Variants in LIMCH1 observed in about 807,000 individuals in gnomAD.
LIMCH1 encodes the protein LIM and calponin homology domains-containing protein 1.
In LIMCH1, 113 loss-of-function variants were observed where a neutral mutation model predicts 176.5. That is an observed-to-expected ratio of 0.64 (90% CI 0.55 to 0.75). LIMCH1 has a LOEUF of 0.75. Among genes scored for constraint, LIMCH1 ranks in the 30% least tolerant of loss-of-function variants. LIMCH1 has a pLI of 0.00. For missense variants in LIMCH1, 1,674 were observed against 1,814.9 expected, an observed-to-expected ratio of 0.92 and a Z score of 1.41; for synonymous variants, 619 against 645.9, an observed-to-expected ratio of 0.96 and a Z score of 0.63.
chr4:41,530,486 C>T (rs746242835), intron 3 of LIMCH1, among the ~76,000 whole-genome samples: 11 of 152,060 alleles, frequency 7.2e-5, no homozygotes, highest in South Asian at 2.1e-4. Flanking sequence ...TTCTGTTCTC[C>T]GGGCTCGGTC....
At chr4:41,623,239 C>T (rs145807869) in intron 7 of LIMCH1, among the ~76,000 whole-genome samples, 1 of 152,196 alleles carries the variant, frequency 6.6e-6, no homozygotes, top group African/African-American at 2.4e-5. Flanking sequence ...TCTCTCGAGG[C>T]ATTTTAACCT....
At chr4:41,397,183 G>A (rs2057891452) in intron 1 of LIMCH1, among the ~76,000 whole-genome samples, 1 of 152,174 alleles carries the variant, frequency 6.6e-6, no homozygotes, top group African/African-American at 2.4e-5. Flanking sequence ...ACGGAGAGAA[G>A]GTTGCCTTTC....
chr4:41,468,367 C>A, intron 1 of LIMCH1, among the ~76,000 whole-genome samples: 1 of 98,188 alleles, frequency 1.0e-5, no homozygotes, highest in Non-Finnish European at 2.2e-5. Flanking sequence ...CTCCCTCCCT[C>A]CCCCTCCTCT....
chr4:41,392,695 A>G (rs1039732225), intron 1 of LIMCH1, among the ~76,000 whole-genome samples: 1 of 152,178 alleles, frequency 6.6e-6, no homozygotes, highest in African/African-American at 2.4e-5. Context: ...CTAGGGTCAT[A>G]TGCTTATCCA....
At chr4:41,619,580 C>A in intron 6 of LIMCH1, 140 bp downstream of exon 6, 3 of 1,107,702 alleles carry the variant, frequency 2.7e-6, no homozygotes, top group Non-Finnish European at 3.8e-6. Flanking sequence ...TGGGACAGAT[C>A]TTTGGAGAGA....
chr4:41,567,809 G>A (rs892364372), intron 1 of LIMCH1, among the ~76,000 whole-genome samples: 1 of 152,150 alleles, frequency 6.6e-6, no homozygotes, highest in Non-Finnish European at 1.5e-5. Flanking sequence ...TGCTTAAGTG[G>A]CATCAGAAAA....
At chr4:41,669,246 C>T (rs564270314) in intron 21 of LIMCH1, among the ~76,000 whole-genome samples, 2 of 152,130 alleles carry the variant, frequency 1.3e-5, no homozygotes, top group East Asian at 1.9e-4. Context: ...TTTAGAAATA[C>T]CAAATGGGAG....
At chr4:41,409,954 A>G (rs1242104292) in intron 1 of LIMCH1, among the ~76,000 whole-genome samples, 2 of 152,228 alleles carry the variant, frequency 1.3e-5, no homozygotes, top group African/African-American at 2.4e-5. Context: ...TAAATTCTTT[A>G]AAAACAAAAG....
intron 1 of LIMCH1, among the ~76,000 whole-genome samples, chr4:41,548,533 C>T (rs1381608773): frequency 6.6e-6 from 1 of 152,102 alleles, no homozygotes; most frequent in Non-Finnish European, 1.5e-5. Flanking sequence ...ATCAACTGGC[C>T]CTATCCCAGA....
Position 41,662,925 on chromosome 4 carries a change from G to A in LIMCH1, c.3232G>A (p.Asp1078Asn). The change falls in exon 20 of 32, where the codon GAC becomes AAC. Residue 1078 changes from aspartate (D) to asparagine (N), a missense_variant. Physicochemically the swap from Asp to Asn is conservative, Grantham distance 23. Transcript: ENST00000503057. ...GAAGAATGATGTGTCGGAAGAAAAAGACCAGAAGAAACCAGAAAATGAAAT... is the reference window on the plus strand; with the variant it reads ...GAAGAATGATGTGTCGGAAGAAAAAAACCAGAAGAAACCAGAAAATGAAAT... ...QLKNDVSEEKDQKKPENEMSG... is the reference protein window; with the variant it reads ...QLKNDVSEEKNQKKPENEMSG... 1 of 1,614,010 alleles carries A rather than the reference G, an allele frequency of 6.2e-7. No homozygotes were observed. Among genetic ancestry groups the A allele is most frequent in the Non-Finnish European group, 8.5e-7 (1 of 1,179,976 alleles).
chr4:41,615,137 G>A (rs2091923063), intron 5 of LIMCH1, among the ~76,000 whole-genome samples: 1 of 152,150 alleles, frequency 6.6e-6, no homozygotes, highest in Non-Finnish European at 1.5e-5. Context: ...CTATCTAACT[G>A]AGCTTTAACA....
chr4:41,491,415 AGATG>A (rs2070962837), intron 1 of LIMCH1, among the ~76,000 whole-genome samples: 1 of 133,170 alleles, frequency 7.5e-6, no homozygotes, highest in African/African-American at 2.9e-5. Context: ...CCCACCTCCC[AGATG>A]AAGGGCGGCC....
intron 1 of LIMCH1, among the ~76,000 whole-genome samples, chr4:41,585,369 A>G (rs1352942465): frequency 6.6e-6 from 1 of 152,160 alleles, no homozygotes; most frequent in African/African-American, 2.4e-5. Context: ...ACATTGTAGC[A>G]TATGTCAGAA....
chr4:41,539,346 G>A (rs557071106), intron 1 of LIMCH1, among the ~76,000 whole-genome samples: 70 of 152,220 alleles, frequency 4.6e-4, no homozygotes, highest in Admixed American at 1.1e-3. Context: ...TGTGCTGCGC[G>A]GGTGGGTTCC....
At chr4:41,600,494 AT>A (rs574820011) in intron 2 of LIMCH1, among the ~76,000 whole-genome samples, 3 of 151,190 alleles carry the variant, frequency 2.0e-5, no homozygotes, top group Admixed American at 6.6e-5. Context: ...AGCTGCATTC[AT>A]TTTTTTTTAG....
At chr4:41,680,177 A>G in intron 24 of LIMCH1, 79 bp downstream of exon 24, 1 of 912,914 alleles carries the variant, frequency 1.1e-6, no homozygotes, top group Non-Finnish European at 1.8e-6. Context: ...TGTCTGTGGC[A>G]TGCGGATGCA....
intron 17 of LIMCH1, 68 bp downstream of exon 17, chr4:41,646,961 G>T: frequency 7.3e-7 from 1 of 1,377,558 alleles, no homozygotes; most frequent in South Asian, 1.3e-5. Context: ...GAAGCATCAT[G>T]ACTCAAGAAA....
chr4:41,512,542 TATCCTTGCA>T (rs1186383199), intron 2 of LIMCH1, among the ~76,000 whole-genome samples: 1 of 152,224 alleles, frequency 6.6e-6, no homozygotes, highest in Non-Finnish European at 1.5e-5. Context: ...AAATGTGGTA[TATCCTTGCA>T]ATGCAATATT....
intron 1 of LIMCH1, among the ~76,000 whole-genome samples, chr4:41,563,719 G>A (rs1283656207): frequency 6.6e-6 from 1 of 152,154 alleles, no homozygotes; most frequent in African/African-American, 2.4e-5. Context: ...TGCTTTGCAT[G>A]ACAATGCCCT....
Sources: allele counts gnomAD v4.1 joint callset (sites outside exome capture counted in the v4.1 genomes callset), GRCh38; gene constraint gnomAD v4.1.1; transcripts MANE v1.5; gene names NCBI Gene and HGNC (gene_info 2026-07-23, HGNC 2026-07-21).